Variants in ZFYVE9 observed in about 807,000 individuals in gnomAD.
ZFYVE9 encodes the protein zinc finger FYVE-type containing 9, also known as zinc finger FYVE domain-containing protein 9.
ZFYVE9 carries 43 observed loss-of-function variants against 126.7 expected under a neutral mutation model. The ratio of observed to expected loss-of-function variants is 0.34; its 90% CI spans 0.27 to 0.44. ZFYVE9 has a LOEUF of 0.44. ZFYVE9 is among the 20% of genes least tolerant of loss of function. The pLI, the probability that ZFYVE9 is intolerant of heterozygous loss-of-function variation, is 1.00. For missense variants in ZFYVE9, 1,476 were observed against 1,697.0 expected (o/e 0.87, Z 2.29); for synonymous variants, 521 against 597.4 (o/e 0.87, Z 1.87).
At chr1:52,320,377 T>C (rs1046835251) in intron 13 of ZFYVE9, among the ~76,000 whole-genome samples, 1 of 152,152 alleles carries the variant, frequency 6.6e-6, no homozygotes, top group African/African-American at 2.4e-5. Flanking sequence ...GCTGTTAAGA[T>C]GTATTTTAAA....
intron 1 of ZFYVE9, among the ~76,000 whole-genome samples, chr1:52,175,798 G>C (rs1048960983): frequency 2.6e-5 from 4 of 151,976 alleles, no homozygotes; most frequent in Non-Finnish European, 5.9e-5. Flanking sequence ...TGATCGCATC[G>C]GCTCCTGAGG....
At chr1:52,223,097 C>A (rs1477955705) in intron 2 of ZFYVE9, among the ~76,000 whole-genome samples, 1 of 151,958 alleles carries the variant, frequency 6.6e-6, no homozygotes, top group Non-Finnish European at 1.5e-5. Context: ...GATTTGGGTC[C>A]CACCATTAAA....
intron 4 of ZFYVE9, chr1:52,252,913 G>A (rs1232520114): frequency 1.2e-4 from 19 of 163,868 alleles, no homozygotes; most frequent in Non-Finnish European, 6.8e-5. Flanking sequence ...TTTTAAACAA[G>A]AGGATTATTT....
chr1:52,148,569 T>C (rs902065424), intron 1 of ZFYVE9, among the ~76,000 whole-genome samples: 1 of 152,076 alleles, frequency 6.6e-6, no homozygotes, highest in African/African-American at 2.4e-5. Context: ...ATTAACCACA[T>C]TGGGTGGTGA....
chr1:52,152,205 A>G (rs1572058004), intron 1 of ZFYVE9, among the ~76,000 whole-genome samples: 3 of 151,744 alleles, frequency 2.0e-5, no homozygotes, highest in South Asian at 2.1e-4. Flanking sequence ...GGCCAGGCTG[A>G]TCTCGAACTC....
intron 1 of ZFYVE9, among the ~76,000 whole-genome samples, chr1:52,167,706 A>C (rs1644526595): frequency 6.6e-6 from 1 of 152,166 alleles, no homozygotes; most frequent in Non-Finnish European, 1.5e-5. Context: ...ATGTGAAGCC[A>C]ATCAAGAGTA....
At chr1:52,205,093 A>G in intron 1 of ZFYVE9, among the ~76,000 whole-genome samples, 1 of 99,698 alleles carries the variant, frequency 1.0e-5, no homozygotes, top group Middle Eastern at 6.3e-3. Context: ...TTTTTTTTTG[A>G]AGACAGGACC....
chr1:52,178,062 G>A (rs1446664201), intron 1 of ZFYVE9, among the ~76,000 whole-genome samples: 5 of 151,150 alleles, frequency 3.3e-5, no homozygotes, highest in Admixed American at 1.3e-4. Context: ...GGTAGATCAC[G>A]AAGTCAGGAG....
At chr1:52,262,410 G>A (rs1337570094) in intron 4 of ZFYVE9, among the ~76,000 whole-genome samples, 1 of 152,184 alleles carries the variant, frequency 6.6e-6, no homozygotes, top group Non-Finnish European at 1.5e-5. Context: ...ATAGTTTGCT[G>A]TGAACTTGAG....
Position 52,346,135 on chromosome 1 carries a change from C to T in ZFYVE9, c.4192C>T (p.Pro1398Ser). Reference protein sequence around the residue: ...YMNDLDSALVPVIHGGACQLS... With the variant: ...YMNDLDSALVSVIHGGACQLS... The stretch of plus-strand genomic sequence containing the variant: ...GAATGATCTGGACAGCGCCTTGGTG[C>T]CGGTGATCCATGGAGGGGCCTGCCA... The change falls in exon 19 of 19, where the codon CCG becomes TCG. Residue 1398 changes from proline (P) to serine (S), a missense_variant. By Grantham distance (74) the Pro-to-Ser change is moderately conservative. Transcript: ENST00000287727. The T allele has an allele frequency of 6.2e-7, 1 of 1,613,512 alleles. No homozygotes were observed. Among genetic ancestry groups the T allele is most frequent in the Non-Finnish European group, 8.5e-7 (1 of 1,179,554 alleles).
chr1:52,183,087 T>C (rs2124544245), intron 1 of ZFYVE9, among the ~76,000 whole-genome samples: 1 of 152,276 alleles, frequency 6.6e-6, no homozygotes, highest in African/African-American at 2.4e-5. Context: ...TTTAAAAGAA[T>C]GTGGCTGTGA....
intron 1 of ZFYVE9, among the ~76,000 whole-genome samples, chr1:52,143,047 G>C (rs1644275625): frequency 6.6e-6 from 1 of 152,166 alleles, no homozygotes; most frequent in Non-Finnish European, 1.5e-5. Flanking sequence ...GGTCTGCCTT[G>C]GAGAAAGCCC....
chr1:52,298,782 A>G (rs1038430466), intron 12 of ZFYVE9, among the ~76,000 whole-genome samples: 3 of 148,146 alleles, frequency 2.0e-5, no homozygotes, highest in Non-Finnish European at 3.0e-5. Flanking sequence ...ATCCATGAAC[A>G]TGGAATCAGT....
At chr1:52,163,822 A>T (rs1437519661) in intron 1 of ZFYVE9, among the ~76,000 whole-genome samples, 1 of 152,190 alleles carries the variant, frequency 6.6e-6, no homozygotes, top group African/African-American at 2.4e-5. Context: ...ATTAAAAAAA[A>T]AAAAGTTAAA....
chr1:52,297,368 G>A (rs762784364), intron 12 of ZFYVE9, among the ~76,000 whole-genome samples: 1 of 151,582 alleles, frequency 6.6e-6, no homozygotes, highest in African/African-American at 2.4e-5. Flanking sequence ...CTTCAGAGCA[G>A]CTGGGATTAC....
At chr1:52,320,370 G>A (rs1453230005) in intron 13 of ZFYVE9, among the ~76,000 whole-genome samples, 1 of 152,112 alleles carries the variant, frequency 6.6e-6, no homozygotes, top group Non-Finnish European at 1.5e-5. Context: ...GTGCCCGGCT[G>A]TTAAGATGTA....
chr1:52,261,442 T>C (rs1174801648), intron 4 of ZFYVE9, among the ~76,000 whole-genome samples: 5 of 152,134 alleles, frequency 3.3e-5, no homozygotes, highest in Non-Finnish European at 2.9e-5. Context: ...CCTGAAACCC[T>C]TGCACTAAAT....
In ZFYVE9 at chr1:52,303,818, C is replaced by G; in HGVS notation, c.3334-3C>G. ...TATTCTGCTTCAATCTGCTTTGGCCCAGGACTTCAGAAATTACCAGTATAC... is the reference window on the plus strand; with the variant it reads ...TATTCTGCTTCAATCTGCTTTGGCCGAGGACTTCAGAAATTACCAGTATAC... On this transcript the variant is annotated splice_polypyrimidine_tract_variant and splice_region_variant and intron_variant, in intron 12 of 18. Coordinates refer to ENST00000287727, the MANE Select transcript of ZFYVE9 (RefSeq NM_004799.4). The G allele has an allele frequency of 6.4e-7, 1 of 1,561,000 alleles. No individual in the cohort carries two copies. Among genetic ancestry groups the G allele is most frequent in the Non-Finnish European group, 8.7e-7 (1 of 1,153,590 alleles).
intron 13 of ZFYVE9, among the ~76,000 whole-genome samples, chr1:52,305,908 C>T (rs919605378): frequency 6.6e-6 from 1 of 152,200 alleles, no homozygotes; most frequent in African/African-American, 2.4e-5. Flanking sequence ...GCCTTGGCCC[C>T]CTCTGGACTT....
Sources: gnomAD v4.1 joint callset for allele counts (sites outside exome capture counted in the v4.1 genomes callset) on GRCh38, gnomAD v4.1.1 for gene constraint, MANE v1.5 for transcripts, NCBI Gene and HGNC (gene_info 2026-07-23, HGNC 2026-07-21) for gene names.